The following FHIT variants were observed in gnomAD, a reference collection of about 807,000 sequenced individuals.
The protein encoded by FHIT is bis(5'-adenosyl)-triphosphatase.
FHIT carries 19 observed loss-of-function variants against 17.9 expected under a neutral mutation model. That is an observed-to-expected ratio of 1.06 (90% CI 0.74 to 1.56). The LOEUF (loss-of-function observed/expected upper bound fraction) is 1.56. Ranked by LOEUF, FHIT falls within the 40% of genes most tolerant of loss-of-function variation. FHIT has a pLI of 0.00. For synonymous variants in FHIT, 81 were observed against 69.7 expected (o/e 1.16, Z -0.81); for missense variants, 248 against 189.2 (o/e 1.31, Z -1.82).
chr3:60,710,726 G>A (rs931745231), intron 4 of FHIT, among the ~76,000 whole-genome samples: 17 of 152,284 alleles, frequency 1.1e-4, no homozygotes, highest in South Asian at 8.3e-4. Context: ...GGGAAGGGGC[G>A]ACCGCCATTG....
intron 4 of FHIT, among the ~76,000 whole-genome samples, chr3:60,669,488 G>A (rs1480756085): frequency 1.3e-5 from 2 of 152,016 alleles, no homozygotes; most frequent in Non-Finnish European, 2.9e-5. Flanking sequence ...TTAAAACCTT[G>A]AACACACAAA....
intron 1 of FHIT, among the ~76,000 whole-genome samples, chr3:61,215,552 G>C (rs1487620431): frequency 6.6e-6 from 1 of 152,102 alleles, no homozygotes. Context: ...TCAATATCAT[G>C]AAAATGGCCA....
chr3:61,042,916 T>A (rs1411831487), intron 2 of FHIT, among the ~76,000 whole-genome samples: 1 of 151,930 alleles, frequency 6.6e-6, no homozygotes, highest in Non-Finnish European at 1.5e-5. Flanking sequence ...GAAGGGAATA[T>A]CTGAGCATCA....
chr3:59,765,866 T>A (rs80223434), intron 8 of FHIT, among the ~76,000 whole-genome samples: 8,665 of 152,208 alleles, frequency 0.057, 610 homozygotes, highest in African/African-American at 0.16. Flanking sequence ...CCCTGATATG[T>A]TCACATAATT....
intron 4 of FHIT, among the ~76,000 whole-genome samples, chr3:60,567,793 G>A (rs2037194793): frequency 6.6e-6 from 1 of 152,106 alleles, no homozygotes; most frequent in African/African-American, 2.4e-5. Context: ...AAAAGTGGGT[G>A]AAGGATATGA....
intron 4 of FHIT, among the ~76,000 whole-genome samples, chr3:60,680,704 G>C (rs1553696653): frequency 6.6e-6 from 1 of 151,888 alleles, no homozygotes; most frequent in African/African-American, 2.4e-5. Context: ...ATAATATATA[G>C]ATATTTTGGA....
chr3:60,083,418 G>A (rs1418288371), intron 5 of FHIT, among the ~76,000 whole-genome samples: 1 of 152,072 alleles, frequency 6.6e-6, no homozygotes, highest in Admixed American at 6.6e-5. Context: ...TTTTTGCTTA[G>A]GATTGCTTTG....
At chr3:60,441,767 T>TACACAC (rs370815927) in intron 5 of FHIT, among the ~76,000 whole-genome samples, 2 of 6,070 alleles carry the variant, frequency 3.3e-4, no homozygotes, top group Non-Finnish European at 1.1e-3. Flanking sequence ...AATATATATA[T>TACACAC]ATTTATATGT....
At chr3:60,853,815 A>AT (rs571964409) in intron 3 of FHIT, among the ~76,000 whole-genome samples, 3 of 152,082 alleles carry the variant, frequency 2.0e-5, no homozygotes, top group East Asian at 3.9e-4. Context: ...ATAAAGCTTT[A>AT]TTTTTTTGCA....
chr3:60,705,321 A>G (rs948519086), intron 4 of FHIT, among the ~76,000 whole-genome samples: 2 of 152,174 alleles, frequency 1.3e-5, no homozygotes, highest in African/African-American at 4.8e-5. Context: ...TTCTTTACAG[A>G]TAAGAAAATG....
chr3:60,363,923 C>A (rs1413779967), intron 5 of FHIT, among the ~76,000 whole-genome samples: 1 of 152,178 alleles, frequency 6.6e-6, no homozygotes, highest in Non-Finnish European at 1.5e-5. Flanking sequence ...GCAGGCTCTT[C>A]TCCACACTTC....
rs1052683432 is a variant in FHIT at position 61,211,273 on chromosome 3, C to T, written c.-212-10608G>A. Among the ~76,000 whole-genome samples the T allele has an allele frequency of 4.6e-5, 7 of 151,284 alleles. No homozygotes were observed. In the East Asian group the frequency reaches 1.4e-3, roughly 31 times the overall value. On this transcript the variant is annotated intron_variant, in intron 1 of 9. Transcript: ENST00000492590. ...AGTCAAAGAAAGGGGTGACAGACGG[C>T]ACCTGGAAAATAGGGTCACTCCCAC...
chr3:60,914,253 T>A (rs915262216), intron 3 of FHIT, among the ~76,000 whole-genome samples: 17 of 152,238 alleles, frequency 1.1e-4, no homozygotes, highest in African/African-American at 4.1e-4. Context: ...AGGAGCTTGT[T>A]ATAATACAAT....
chr3:60,534,406 G>C (rs1391533623), intron 5 of FHIT, among the ~76,000 whole-genome samples: 2 of 117,600 alleles, frequency 1.7e-5, no homozygotes, highest in African/African-American at 3.3e-5. Flanking sequence ...GCAGTCCGCA[G>C]TCCGGCCTGG....
intron 5 of FHIT, among the ~76,000 whole-genome samples, chr3:60,237,616 C>T (rs1387525278): frequency 2.6e-5 from 4 of 152,110 alleles, no homozygotes; most frequent in African/African-American, 7.2e-5. Flanking sequence ...CCCAAGATCA[C>T]AAGATTGTAC....
rs549217335 is a variant in FHIT, at chr3:59,918,927, G to A, written c.348+3419C>T. On this transcript the variant is annotated intron_variant, in intron 8 of 9. Coordinates refer to ENST00000492590, the MANE Select transcript of FHIT (RefSeq NM_002012.4). ...GACCATCAATATGCAATGCTGAGCT[G>A]CAGGAAAAGCAGGAAGTAGGCTGGG... Among the ~76,000 whole-genome samples, 8 of 152,312 alleles carry A rather than the reference G, an allele frequency of 5.3e-5. No homozygotes were observed. The South Asian group carries it at 6.2e-4, about 12-fold the overall frequency.
intron 5 of FHIT, among the ~76,000 whole-genome samples, chr3:60,255,157 C>T (rs1705924387): frequency 1.3e-5 from 2 of 152,098 alleles, no homozygotes; most frequent in African/African-American, 4.8e-5. Flanking sequence ...AATTCTCCTC[C>T]TACCTAACTT....
chr3:60,454,079 C>A (rs547132788), intron 5 of FHIT, among the ~76,000 whole-genome samples: 9 of 152,164 alleles, frequency 5.9e-5, no homozygotes, highest in Non-Finnish European at 1.0e-4. Flanking sequence ...CCTAGCCATG[C>A]TGATGATGAT....
intron 5 of FHIT, among the ~76,000 whole-genome samples, chr3:60,047,527 T>G (rs1474720040): frequency 2.0e-5 from 3 of 152,238 alleles, no homozygotes. Context: ...CTTTAACGTC[T>G]TATCTTTGTT....
Sources: gnomAD v4.1 joint callset for allele counts (sites outside exome capture counted in the v4.1 genomes callset) on GRCh38, gnomAD v4.1.1 for gene constraint, MANE v1.5 for transcripts, NCBI Gene and HGNC (gene_info 2026-07-23, HGNC 2026-07-21) for gene names.